EGFR: variants seen among roughly 807,000 people sequenced by gnomAD.
EGFR encodes avian erythroblastic leukemia viral (v-erb-b) oncogene homolog.
In EGFR, 58 loss-of-function variants were observed where a neutral mutation model predicts 143.0. The ratio of observed to expected loss-of-function variants is 0.41; its 90% CI spans 0.33 to 0.50. The LOEUF is 0.50. EGFR is among the 20% of genes least tolerant of loss of function. The pLI, the probability that EGFR is intolerant of heterozygous loss-of-function variation, is 0.39. For missense variants in EGFR, 1,307 were observed against 1,579.0 expected (o/e 0.83, Z 2.92); for synonymous variants, 613 against 594.4 (o/e 1.03, Z -0.45).
At chr7:55,147,450 C>T (rs1186937500) in intron 4 of EGFR, among the ~76,000 whole-genome samples, 1 of 151,488 alleles carries the variant, frequency 6.6e-6, no homozygotes, top group Non-Finnish European at 1.5e-5. Context: ...TCACCATTTC[C>T]TGCTTCTTTG....
rs1787412681 is a variant in EGFR at position 55,191,879 on chromosome 7, G to A, written c.2625+5G>A. 1 of 1,613,448 alleles carries A rather than the reference G, an allele frequency of 6.2e-7. No individual in the cohort carries two copies. The highest frequency in any genetic ancestry group is 8.5e-7 in the Non-Finnish European group (1 of 1,179,992). ...TACCATGCAGAAGGAGGCAAAGTAA[G>A]GAGGTGGCTTTAGGTCAGCCAGCAT... On this transcript the variant is annotated splice_donor_5th_base_variant and intron_variant, in intron 21 of 27. Transcript: ENST00000275493.
intron 16 of EGFR, among the ~76,000 whole-genome samples, 161 bp downstream of exon 16, chr7:55,171,374 C>T (rs914445949): frequency 6.6e-6 from 1 of 152,214 alleles, no homozygotes; most frequent in Non-Finnish European, 1.5e-5. Context: ...AGAGACTGCC[C>T]AGCTGGTTCC....
intron 1 of EGFR, among the ~76,000 whole-genome samples, chr7:55,023,245 A>G (rs1786675677): frequency 6.6e-6 from 1 of 152,188 alleles, no homozygotes; most frequent in Non-Finnish European, 1.5e-5. Context: ...TACTCTAGTT[A>G]TGAGCTTATT....
intron 16 of EGFR, among the ~76,000 whole-genome samples, chr7:55,172,127 G>A (rs965174124): frequency 2.6e-5 from 4 of 152,094 alleles, no homozygotes; most frequent in East Asian, 1.9e-4. Context: ...TCTTAGTCAC[G>A]GGGCTTTCCA....
At chr7:55,183,406 C>A (rs577587671) in intron 20 of EGFR, among the ~76,000 whole-genome samples, 35 of 152,110 alleles carry the variant, frequency 2.3e-4, no homozygotes, top group Non-Finnish European at 3.7e-4. Context: ...CATTTAGGAC[C>A]CACCCTAAAT....
chr7:55,107,409 T>G (rs1265552529), intron 1 of EGFR, among the ~76,000 whole-genome samples: 3 of 152,240 alleles, frequency 2.0e-5, no homozygotes, highest in Non-Finnish European at 4.4e-5. Flanking sequence ...TCCATTTTTC[T>G]TTTTTTGTTT....
At chr7:55,124,095 G>A (rs907814684) in intron 1 of EGFR, among the ~76,000 whole-genome samples, 1 of 152,144 alleles carries the variant, frequency 6.6e-6, no homozygotes, top group African/African-American at 2.4e-5. Flanking sequence ...TAAAGAAATA[G>A]GGAAATTAAC....
intron 1 of EGFR, among the ~76,000 whole-genome samples, chr7:55,059,386 A>G (rs999684615): frequency 1.3e-5 from 2 of 152,118 alleles, no homozygotes; most frequent in African/African-American, 4.8e-5. Context: ...TTTCTTTCTC[A>G]TGGTCCCTGC....
chr7:55,044,697 A>G (rs1302212280), intron 1 of EGFR, among the ~76,000 whole-genome samples: 1 of 152,238 alleles, frequency 6.6e-6, no homozygotes, highest in East Asian at 1.9e-4. Flanking sequence ...GCTAGAGTCC[A>G]GTAACACTTG....
rs2128968766 is a variant in EGFR, at chr7:55,198,787, C to T, written c.2772C>T (p.Ser924=). Reference sequence around the variant, plus strand: ...ACGGAATCCCTGCCAGCGAGATCTCCTCCATCCTGGAGAAAGGAGAACGCC... The same window carrying T: ...ACGGAATCCCTGCCAGCGAGATCTCTTCCATCCTGGAGAAAGGAGAACGCC... ...PYDGIPASEI[S]SILEKGERLP... is the part of the protein sequence containing the mutation. The change falls in exon 23 of 28, where the codon TCC becomes TCT. Residue 924 remains serine, a synonymous_variant. Transcript: ENST00000275493. 1.9e-6 allele frequency: 3 copies of T among 1,614,216 alleles called. No homozygotes were observed. In the South Asian group the frequency reaches 3.3e-5, roughly 18 times the overall value.
At chr7:55,181,572 G>T in intron 20 of EGFR, 94 bp downstream of exon 20, 3 of 1,466,414 alleles carry the variant, frequency 2.0e-6, no homozygotes, top group Admixed American at 1.7e-5. Flanking sequence ...TTTGCCATGG[G>T]GATATGTGTG....
intron 19 of EGFR, among the ~76,000 whole-genome samples, chr7:55,178,280 G>C (rs1399808706): frequency 1.3e-5 from 2 of 152,232 alleles, no homozygotes; most frequent in African/African-American, 4.8e-5. Flanking sequence ...GATGTGATTT[G>C]TGCTTTCTGG....
intron 1 of EGFR, among the ~76,000 whole-genome samples, chr7:55,033,472 G>A (rs1234720153): frequency 1.3e-5 from 2 of 152,184 alleles, no homozygotes; most frequent in African/African-American, 4.8e-5. Flanking sequence ...ATGCCTGTGG[G>A]TGTCAGTTTC....
At position 55,019,105 on chromosome 7, in the gene EGFR, G is replaced by C. The variant is rs1786349758; in HGVS notation, c.-173G>C. On this transcript the variant is annotated 5_prime_UTR_variant, in exon 1 of 28. Coordinates refer to ENST00000275493, the MANE Select transcript of EGFR (RefSeq NM_005228.5). Reference sequence around the variant, plus strand: ...GCGCCCGACGCGGCCGAGGCGGCCGGAGTCCCGAGCTAGCCCCGGCGGCCG... The same window carrying C: ...GCGCCCGACGCGGCCGAGGCGGCCGCAGTCCCGAGCTAGCCCCGGCGGCCG... The C allele has an allele frequency of 2.9e-6, 1 of 346,234 alleles. No individual in the cohort carries two copies. Among genetic ancestry groups the C allele is most frequent in the Admixed American group, 5.1e-5 (1 of 19,784 alleles). The allele number at this position is 346,234 out of a possible 1,614,324, so 21.4% of individuals were successfully genotyped here.
intron 1 of EGFR, among the ~76,000 whole-genome samples, chr7:55,035,420 T>C (rs990407344): frequency 1.3e-5 from 2 of 151,794 alleles, no homozygotes; most frequent in Non-Finnish European, 2.9e-5. Context: ...TCCCAGCACT[T>C]TGGGAGGCCA....
At chr7:55,065,677 G>A (rs547050817) in intron 1 of EGFR, among the ~76,000 whole-genome samples, 20 of 152,290 alleles carry the variant, frequency 1.3e-4, no homozygotes, top group African/African-American at 4.6e-4. Flanking sequence ...GAGTTCAAGC[G>A]TCCCCAGAAG....
intron 1 of EGFR, among the ~76,000 whole-genome samples, chr7:55,053,366 T>C (rs1187786037): frequency 6.6e-6 from 1 of 152,148 alleles, no homozygotes; most frequent in Non-Finnish European, 1.5e-5. Context: ...TGCATAAACG[T>C]GTGTGATCTC....
intron 20 of EGFR, among the ~76,000 whole-genome samples, chr7:55,183,295 TATATTAA>T (rs1786977955): frequency 6.6e-6 from 1 of 152,218 alleles, no homozygotes. Flanking sequence ...AAGTGGTAGA[TATATTAA>T]TTAGTTTGAT....
chr7:55,134,497 C>T lies in EGFR; in HGVS notation c.89-7789C>T, dbSNP rs574944556. ...TGTGTCCTTGTGTTTAAAATGGAAA[C>T]GTTATGAGAAACTGCCTGCCAGGGC... On this transcript the variant is annotated intron_variant, in intron 1 of 27. Transcript: ENST00000275493. 2.6e-5 allele frequency among the ~76,000 whole-genome samples: 4 copies of T among 152,242 alleles called. No individual in the cohort carries two copies. In the East Asian group the frequency reaches 7.7e-4, roughly 29 times the overall value.
Sources: gnomAD v4.1 joint callset for allele counts (sites outside exome capture counted in the v4.1 genomes callset) on GRCh38, gnomAD v4.1.1 for gene constraint, MANE v1.5 for transcripts, NCBI Gene and HGNC (gene_info 2026-07-23, HGNC 2026-07-21) for gene names.